Variants in CAMK4 observed in about 807,000 individuals in gnomAD.
CAMK4 encodes calcium/calmodulin-dependent protein kinase type IV.
A neutral mutation model predicts 44.9 loss-of-function variants in CAMK4; 22 were observed. The ratio of observed to expected loss-of-function variants is 0.49; its 90% confidence interval spans 0.35 to 0.70. CAMK4 has a LOEUF of 0.70. Among genes scored for constraint, CAMK4 ranks in the 30% least tolerant of loss-of-function variants. The pLI, the probability that CAMK4 is intolerant of heterozygous loss-of-function variation, is 0.01. For missense variants in CAMK4, 498 were observed against 586.8 expected (o/e 0.85, Z 1.56); for synonymous variants, 218 against 215.4 (o/e 1.01, Z -0.11).
chr5:111,392,304 A>C (rs1213361104), intron 4 of CAMK4, among the ~76,000 whole-genome samples: 1 of 152,118 alleles, frequency 6.6e-6, no homozygotes, highest in African/African-American at 2.4e-5. Context: ...GGAGAGAGAG[A>C]GAGCACAAAG....
At chr5:111,356,687 G>A (rs955839098) in intron 2 of CAMK4, among the ~76,000 whole-genome samples, 9 of 152,140 alleles carry the variant, frequency 5.9e-5, no homozygotes, top group African/African-American at 2.2e-4. Flanking sequence ...TGTATAAGGT[G>A]TAAGGAAGGG....
At position 111,493,723 on chromosome 5, in the gene CAMK4, T is replaced by C. The variant is rs1335098343; in HGVS notation, c.*9257T>C. 6.6e-6 allele frequency: 1 copy of C among 152,200 alleles called. No individual in the cohort carries two copies. The highest frequency in any genetic ancestry group is 1.5e-5 in the Non-Finnish European group (1 of 68,030). 9.4% of individuals were successfully genotyped at this position (152,200 alleles called of 1,614,324 possible). On this transcript the variant is annotated 3_prime_UTR_variant, in exon 11 of 11. Transcript: ENST00000282356. The surrounding 1 kb of genome is among the most constrained non-coding windows in gnomAD (Gnocchi z 4.1). ...GTTTTGTAAGTTCCTTTTGATATCA[T>C]TTATTGCAGGCAGTATTTTTACATC... is the stretch of plus-strand genomic sequence containing the variant.
In CAMK4 at chr5:111,456,425, G is replaced by A. The variant is rs913814996; in HGVS notation, c.625+7222G>A. Among the ~76,000 whole-genome samples, 113 of 151,736 alleles carry A rather than the reference G, an allele frequency of 7.4e-4. 1 individual carries two copies. Among genetic ancestry groups the A allele is most frequent in the Non-Finnish European group, 2.4e-4 (16 of 67,952 alleles). ...AGAATGGCGTGAACCCAGGAGGCGG[G>A]GCTTGCAGTGAGCCGAGATAGCGCC... On this transcript the variant is annotated intron_variant, in intron 7 of 10. Coordinates refer to ENST00000282356, the MANE Select transcript of CAMK4 (RefSeq NM_001744.6).
At chr5:111,329,103 A>T (rs1749037286) in intron 1 of CAMK4, among the ~76,000 whole-genome samples, 1 of 151,980 alleles carries the variant, frequency 6.6e-6, no homozygotes, top group Non-Finnish European at 1.5e-5. Context: ...AATCCAGCAT[A>T]TAAACAGAAC....
intron 1 of CAMK4, among the ~76,000 whole-genome samples, chr5:111,260,723 T>G (rs2546990): frequency 0.2 from 30,254 of 152,108 alleles, 3,845 homozygotes; most frequent in Non-Finnish European, 0.28. Context: ...TCTTCCAGTT[T>G]ACTCCCTTAT....
chr5:111,380,857 A>G (rs1370769664), intron 4 of CAMK4, among the ~76,000 whole-genome samples: 1 of 152,160 alleles, frequency 6.6e-6, no homozygotes, highest in East Asian at 1.9e-4. Context: ...GATCATTTTA[A>G]TGCAATCAGA....
chr5:111,443,436 T>C (rs1753918270), intron 5 of CAMK4, among the ~76,000 whole-genome samples: 1 of 150,270 alleles, frequency 6.7e-6, no homozygotes, highest in African/African-American at 2.4e-5. Flanking sequence ...TCTCTGCATG[T>C]CTTTTTAAAA....
chr5:111,468,938 G>A (rs1221214387), intron 7 of CAMK4, among the ~76,000 whole-genome samples: 4 of 147,632 alleles, frequency 2.7e-5, no homozygotes, highest in South Asian at 2.2e-4. Context: ...AGATCGTGCC[G>A]CTGTACTCCA....
At chr5:111,341,522 G>A (rs917277439) in intron 1 of CAMK4, among the ~76,000 whole-genome samples, 2 of 150,494 alleles carry the variant, frequency 1.3e-5, no homozygotes, top group Non-Finnish European at 3.0e-5. Context: ...TATATGTGTA[G>A]GACTATTTTT....
chr5:111,344,145 G>T (rs776779055), intron 2 of CAMK4, 43 bp downstream of exon 2: 5 of 1,174,596 alleles, frequency 4.3e-6, no homozygotes, highest in Middle Eastern at 2.0e-4. Flanking sequence ...AGGGGCCTGT[G>T]ACCTGGAGAA....
intron 5 of CAMK4, among the ~76,000 whole-genome samples, chr5:111,438,617 G>A (rs1753726172): frequency 6.6e-6 from 1 of 152,084 alleles, no homozygotes; most frequent in Admixed American, 6.6e-5. Context: ...ATAAAAAGTA[G>A]CAGAAGGAAA....
In CAMK4 at chr5:111,478,366, A is replaced by G; in HGVS notation, c.702-15A>G. On this transcript the variant is annotated splice_polypyrimidine_tract_variant and intron_variant, in intron 8 of 10. Transcript: ENST00000282356. Reference sequence around the variant, plus strand: ...CTTTTAAAGACATTTTATTCTCTATATTTTATTCCTCTAGACTTTGTGGAT... The same window carrying G: ...CTTTTAAAGACATTTTATTCTCTATGTTTTATTCCTCTAGACTTTGTGGAT... 1 of 1,490,940 alleles carries G rather than the reference A, an allele frequency of 6.7e-7. No individual in the cohort carries two copies. The highest frequency in any genetic ancestry group is 9.2e-7 in the Non-Finnish European group (1 of 1,090,488). The allele number at this position is 1,490,940 out of a possible 1,614,324, so 92.4% of individuals were successfully genotyped here.
chr5:111,423,815 T>A (rs1753116661), intron 5 of CAMK4, among the ~76,000 whole-genome samples: 1 of 152,186 alleles, frequency 6.6e-6, no homozygotes, highest in Non-Finnish European at 1.5e-5. Flanking sequence ...TCGGTAATAG[T>A]CCCAGACAAC....
intron 2 of CAMK4, among the ~76,000 whole-genome samples, chr5:111,370,186 G>T (rs896640029): frequency 1.3e-5 from 2 of 152,134 alleles, no homozygotes; most frequent in African/African-American, 2.4e-5. Flanking sequence ...AAAAGCAAAT[G>T]ATTTTACCAG....
chr5:111,386,608 A>G lies in CAMK4; in HGVS notation c.387-8102A>G, dbSNP rs1445404084. On this transcript the variant is annotated intron_variant, in intron 4 of 10. Coordinates refer to ENST00000282356, the MANE Select transcript of CAMK4 (RefSeq NM_001744.6). ...TTACAGAAGCAAATGCACCAGAGTC[A>G]TATGTTACAGCAGCTCCATAGAGAG... Among the ~76,000 whole-genome samples, 8 of 152,346 alleles carry G rather than the reference A, an allele frequency of 5.3e-5. No homozygotes were observed. In the South Asian group the frequency reaches 1.4e-3, roughly 28 times the overall value.
intron 1 of CAMK4, among the ~76,000 whole-genome samples, chr5:111,247,853 C>T (rs568692340): frequency 6.6e-6 from 1 of 152,242 alleles, no homozygotes; most frequent in South Asian, 2.1e-4. Context: ...AAAATTTACA[C>T]ATAAAACTAT....
At chr5:111,470,782 A>G (rs1220421760) in intron 7 of CAMK4, among the ~76,000 whole-genome samples, 2 of 152,224 alleles carry the variant, frequency 1.3e-5, no homozygotes, top group Non-Finnish European at 2.9e-5. Context: ...TCCTTGTTTG[A>G]TAAGAGGAAT....
At chr5:111,370,468 C>T (rs1398929327) in intron 2 of CAMK4, among the ~76,000 whole-genome samples, 4 of 151,882 alleles carry the variant, frequency 2.6e-5, no homozygotes, top group South Asian at 2.1e-4. Context: ...TGAAAAATGG[C>T]GGGTGTGGGA....
At chr5:111,376,752 T>G in intron 3 of CAMK4, 108 bp from the exon 4 acceptor site, 1 of 554,988 alleles carries the variant, frequency 1.8e-6, no homozygotes, top group Non-Finnish European at 3.2e-6. Flanking sequence ...TTAACAGTGA[T>G]CCAACATATT....
Sources: gnomAD v4.1 joint callset for allele counts (sites outside exome capture counted in the v4.1 genomes callset) on GRCh38, gnomAD v4.1.1 for gene constraint, Gnocchi (gnomAD v3.1) non-coding constraint, MANE v1.5 for transcripts, NCBI Gene and HGNC (gene_info 2026-07-23, HGNC 2026-07-21) for gene names.